TRIM66: variants seen among roughly 807,000 people sequenced by gnomAD.
TRIM66 encodes the protein tripartite motif containing 66.
In TRIM66, 99 loss-of-function variants were observed where a neutral mutation model predicts 148.2. That is an observed-to-expected ratio of 0.67 (90% CI 0.57 to 0.79). The LOEUF (loss-of-function observed/expected upper bound fraction) is 0.79. TRIM66 is among the 30% of genes least tolerant of loss of function. The pLI, the probability that TRIM66 is intolerant of heterozygous loss-of-function variation, is 0.00. For missense variants in TRIM66, 1,666 were observed against 1,697.9 expected (o/e 0.98, Z 0.33); for synonymous variants, 616 against 635.9 (o/e 0.97, Z 0.47).
chr11:8,623,862 T>C (rs372065326), intron 17 of TRIM66, among the ~76,000 whole-genome samples: 109 of 152,334 alleles, frequency 7.2e-4, no homozygotes, highest in African/African-American at 2.6e-3. Context: ...AGTTATCAAA[T>C]GATTTCACTA....
intron 12 of TRIM66, among the ~76,000 whole-genome samples, chr11:8,645,219 G>A (rs914723532): frequency 1.3e-5 from 2 of 152,148 alleles, no homozygotes; most frequent in African/African-American, 4.8e-5. Context: ...TAGGTAGCTT[G>A]GAGTTGGTTT....
intron 7 of TRIM66, among the ~76,000 whole-genome samples, chr11:8,651,002 C>T (rs1189212918): frequency 6.6e-6 from 1 of 152,104 alleles, no homozygotes; most frequent in Non-Finnish European, 1.5e-5. Flanking sequence ...TCTCCTAGTC[C>T]AAATGTTCAT....
At chr11:8,627,117 C>A (rs1252879999) in intron 15 of TRIM66, among the ~76,000 whole-genome samples, 1 of 152,170 alleles carries the variant, frequency 6.6e-6, no homozygotes, top group Non-Finnish European at 1.5e-5. Context: ...TCCGTGATAT[C>A]ATTTGATTAA....
chr11:8,617,889 A>G lies in TRIM66; in HGVS notation c.*55T>C. 6.7e-7 allele frequency: 1 copy of G among 1,501,320 alleles called. No homozygotes were observed. Among genetic ancestry groups the G allele is most frequent in the Non-Finnish European group, 9.1e-7 (1 of 1,101,180 alleles). 93.0% of individuals were successfully genotyped at this position (1,501,320 alleles called of 1,614,324 possible). A position where few individuals can be genotyped will look rare whatever the true frequency, so the allele number is the denominator to read the frequency against. On this transcript the variant is annotated 3_prime_UTR_variant, in exon 25 of 25. Coordinates refer to ENST00000646038, the MANE Select transcript of TRIM66 (RefSeq NM_001388022.1). ...GAGGATAAGCTGCAAGATGGGGAGG[A>G]ATGGTCGACAGTATGGGACAACAGC...
chr11:8,657,270 C>A (rs1259437543), intron 6 of TRIM66, among the ~76,000 whole-genome samples: 2 of 152,200 alleles, frequency 1.3e-5, no homozygotes, highest in African/African-American at 4.8e-5. Flanking sequence ...GTTAGGAAGA[C>A]TTCATTCCAC....
At chr11:8,671,478 G>T (rs1029760050) in intron 6 of TRIM66, among the ~76,000 whole-genome samples, 1 of 152,208 alleles carries the variant, frequency 6.6e-6, no homozygotes, top group African/African-American at 2.4e-5. Context: ...GAGATTTAGT[G>T]AGTCAGAACA....
At chr11:8,634,322 C>A (rs1025848918) in intron 15 of TRIM66, among the ~76,000 whole-genome samples, 1 of 152,208 alleles carries the variant, frequency 6.6e-6, no homozygotes, top group Non-Finnish European at 1.5e-5. Context: ...TGCACCACCA[C>A]GCCTGGCTAA....
intron 15 of TRIM66, among the ~76,000 whole-genome samples, chr11:8,629,311 C>G (rs1207887562): frequency 2.0e-5 from 3 of 152,206 alleles, no homozygotes; most frequent in African/African-American, 7.2e-5. Context: ...GCACTGGATT[C>G]TTTCTCCTTT....
Position 8,624,456 on chromosome 11 carries a change from T to C in TRIM66, c.2922A>G (p.Ser974=), listed in dbSNP as rs1024696954. ...LDAPKDLAIP[S]ELEEPINLSV... is the part of the protein sequence containing the mutation. ...AGAGGTTAATTGGCTCCTCCAGTTC[T>C]GAGGGGATGGCCAAGTCCTTGGGAG... The change falls in exon 17 of 25, where the codon TCA becomes TCG. Residue 974 remains serine (S), a synonymous_variant. Coordinates refer to ENST00000646038, the MANE Select transcript of TRIM66 (RefSeq NM_001388022.1). 5 of 1,551,664 alleles carry C rather than the reference T, an allele frequency of 3.2e-6. No homozygotes were observed. The African/African-American group carries it at 6.8e-5, about 21-fold the overall frequency.
intron 12 of TRIM66, among the ~76,000 whole-genome samples, chr11:8,645,237 A>G (rs1025353309): frequency 1.3e-5 from 2 of 152,138 alleles, no homozygotes; most frequent in Non-Finnish European, 2.9e-5. Context: ...TTTTGGATGC[A>G]CTACAGGCAC....
chr11:8,637,379 T>C (rs1230401793), intron 15 of TRIM66, among the ~76,000 whole-genome samples: 2 of 151,900 alleles, frequency 1.3e-5, no homozygotes, highest in Non-Finnish European at 2.9e-5. Flanking sequence ...AATAAATGGA[T>C]GAATGGTTAG....
Position 8,647,100 on chromosome 11 carries a change from A to T in TRIM66, c.843-539T>A, listed in dbSNP as rs1468527965. ...TAATAAACAATAAACATATAATATAATGTTTATTATAAACATATAATAATG... is the reference window on the plus strand; with the variant it reads ...TAATAAACAATAAACATATAATATATTGTTTATTATAAACATATAATAATG... On this transcript the variant is annotated intron_variant, in intron 10 of 24. Transcript: ENST00000646038. Among the ~76,000 whole-genome samples, 4 of 149,622 alleles carry T rather than the reference A, an allele frequency of 2.7e-5. No individual in the cohort carries two copies. The East Asian group carries it at 7.8e-4, about 29-fold the overall frequency.
At chr11:8,643,879 C>G (rs2036619154) in intron 12 of TRIM66, among the ~76,000 whole-genome samples, 1 of 152,156 alleles carries the variant, frequency 6.6e-6, no homozygotes, top group Non-Finnish European at 1.5e-5. Context: ...ATCACTAACT[C>G]TCCTATTTAT....
chr11:8,635,774 A>G (rs10743084), intron 15 of TRIM66, among the ~76,000 whole-genome samples: 29,082 of 152,152 alleles, frequency 0.19, 3,014 homozygotes, highest in East Asian at 0.35. Context: ...TTGCAGCCAC[A>G]CAAAAGGGCA....
rs780851761 is a variant in TRIM66, at chr11:8,619,531, C to T, written c.3752G>A (p.Arg1251Gln). 5.8e-6 allele frequency: 9 copies of T among 1,538,790 alleles called. No individual in the cohort carries two copies. Among genetic ancestry groups the T allele is most frequent in the South Asian group, 3.7e-5 (3 of 81,420 alleles). Residue 1251 changes from arginine (R) to glutamine (Q), a missense_variant, in exon 23 of 25, where the codon CGG becomes CAG. Transcript: ENST00000646038. ...PFHEPVSPLA[R>Q]HYYQIIKRPM... ...CCTCTTGATAATCTGGTAATAATGC[C>T]GGGCCTTGGGGGAGGAGACATGAGG... is the stretch of plus-strand genomic sequence containing the variant.
chr11:8,618,724 G>C, intron 24 of TRIM66, 26 bp downstream of exon 24: 1 of 1,544,200 alleles, frequency 6.5e-7, no homozygotes, highest in Non-Finnish European at 8.7e-7. Context: ...CCGCCCACCT[G>C]CTGCTGGCTG....
At chr11:8,680,207 A>C (rs2039346413) in intron 1 of TRIM66, 144 bp from the exon 2 acceptor site, 2 of 152,416 alleles carry the variant, frequency 1.3e-5, no homozygotes, top group Non-Finnish European at 2.9e-5. Flanking sequence ...GCACGGCTGC[A>C]GTAGAAAGCT....
At position 8,634,798 on chromosome 11, in the gene TRIM66, C is replaced by T. The variant is rs1459778106; in HGVS notation, c.2310+3856G>A. Among the ~76,000 whole-genome samples the T allele has an allele frequency of 7.2e-5, 11 of 152,314 alleles. No homozygotes were observed. The East Asian group carries it at 1.5e-3, about 21-fold the overall frequency. On this transcript the variant is annotated intron_variant, in intron 15 of 24. Transcript: ENST00000646038. ...TAGCACCAACTCCAAGGTACTTGTA[C>T]GCAGATGTTCTGCTTCACCAAAAGT... is the stretch of plus-strand genomic sequence containing the variant.
Position 8,640,849 on chromosome 11 carries a change from G to GA in TRIM66, c.1525dup (p.Ser509PhefsTer128), listed in dbSNP as rs2036322995. The GA allele has an allele frequency of 6.5e-7, 1 of 1,550,326 alleles. No homozygotes were observed. Among genetic ancestry groups the GA allele is most frequent in the South Asian group, 1.2e-5 (1 of 84,010 alleles). On this transcript the variant is annotated frameshift_variant, in exon 14 of 25. Coordinates refer to ENST00000646038, the MANE Select transcript of TRIM66 (RefSeq NM_001388022.1). LOFTEE classifies it high-confidence loss of function. Reference sequence around the variant, plus strand: ...CTCTTTCTCCCTGGGCAGCAGGGCAGAGCACTGCAGAGACCCCAGCTGCTG... The same window carrying GA: ...CTCTTTCTCCCTGGGCAGCAGGGCAGAAGCACTGCAGAGACCCCAGCTGCTG...
Sources: gnomAD v4.1 joint callset for allele counts (sites outside exome capture counted in the v4.1 genomes callset) on GRCh38, gnomAD v4.1.1 for gene constraint, MANE v1.5 for transcripts, NCBI Gene and HGNC (gene_info 2026-07-23, HGNC 2026-07-21) for gene names.